Variants in SLC29A4 observed in about 807,000 individuals in gnomAD.
SLC29A4 encodes the protein solute carrier family 29 member 4.
SLC29A4 carries 36 observed loss-of-function variants against 43.9 expected under a neutral mutation model. The ratio of observed to expected loss-of-function variants is 0.82; its 90% CI spans 0.63 to 1.08. SLC29A4 has a LOEUF of 1.08. SLC29A4 is among the 50% of genes least tolerant of loss of function. The probability of loss-of-function intolerance (pLI) is 0.00; values close to 1 mark genes in which losing one functional copy is unlikely to be tolerated. For missense variants in SLC29A4, 869 were observed against 755.3 expected (o/e 1.15, Z -1.77); for synonymous variants, 491 against 338.0 (o/e 1.45, Z -4.97).
chr7:5,292,690 CTTTTTTTTTT>C (rs1056329272), intron 5 of SLC29A4, among the ~76,000 whole-genome samples: 7 of 67,412 alleles, frequency 1.0e-4, no homozygotes, highest in Middle Eastern at 0.014. Flanking sequence ...CATTTTTTTC[CTTTTTTTTTT>C]TTTTTTTTTT....
chr7:5,293,759 C>A (rs1583662389), intron 5 of SLC29A4, among the ~76,000 whole-genome samples: 2 of 152,080 alleles, frequency 1.3e-5, no homozygotes, highest in Non-Finnish European at 2.9e-5. Context: ...AGAGGCCAGG[C>A]CCCCCACATA....
Position 5,303,293 on chromosome 7 carries a change from C to T in SLC29A4, c.*354C>T, listed in dbSNP as rs1377175787. On this transcript the variant is annotated 3_prime_UTR_variant, in exon 11 of 11. Coordinates refer to ENST00000396872, the MANE Select transcript of SLC29A4 (RefSeq NM_153247.4). ...CCCACCCAGGACAGCAGACACCCGC[C>T]AGAGTGTGCGCGCCCAGTGACTGCA... The T allele has an allele frequency of 3.1e-5, 11 of 355,162 alleles. No individual in the cohort carries two copies. The highest frequency in any genetic ancestry group is 5.8e-5 in the Non-Finnish European group (11 of 190,722). The allele number at this position is 355,162 out of a possible 1,614,324, so 22.0% of individuals were successfully genotyped here.
intron 2 of SLC29A4, among the ~76,000 whole-genome samples, chr7:5,289,637 G>A (rs1785177905): frequency 6.6e-6 from 1 of 152,098 alleles, no homozygotes; most frequent in African/African-American, 2.4e-5. Flanking sequence ...ACCAGGGCTA[G>A]GGTTGGAACT....
At chr7:5,297,263 G>A (rs182455357) in intron 7 of SLC29A4, 65 bp downstream of exon 7, 8 of 1,442,724 alleles carry the variant, frequency 5.5e-6, no homozygotes, top group Non-Finnish European at 7.3e-6. Flanking sequence ...CCGCTTCGTC[G>A]GGAAGTACCT....
chr7:5,290,173 C>T (rs1216149355), intron 2 of SLC29A4, among the ~76,000 whole-genome samples: 1 of 152,024 alleles, frequency 6.6e-6, no homozygotes, highest in Non-Finnish European at 1.5e-5. Context: ...CCTGCCTCAG[C>T]CTCCCGAGTA....
At position 5,306,305 on chromosome 7, in the gene SLC29A4, CCACCT is replaced by C. The variant is rs1182813370; in HGVS notation, c.*3369_*3373del. 1 of 150,534 alleles carries C rather than the reference CCACCT, an allele frequency of 6.6e-6. No individual in the cohort carries two copies. Among genetic ancestry groups the C allele is most frequent in the Non-Finnish European group, 1.5e-5 (1 of 67,788 alleles). The allele number at this position is 150,534 out of a possible 1,614,324, so 9.3% of individuals were successfully genotyped here. A position where few individuals can be genotyped will look rare whatever the true frequency, so the allele number is the denominator to read the frequency against. On this transcript the variant is annotated 3_prime_UTR_variant, in exon 11 of 11. Transcript: ENST00000396872. ...CACCCGCCGGGTCCCTGTGATTTTC[CCACCT>C]CAGCCTCCCGAGTAGCTGGGATTAC...
intron 5 of SLC29A4, among the ~76,000 whole-genome samples, chr7:5,293,243 C>G (rs1312784844): frequency 6.7e-6 from 1 of 148,290 alleles, no homozygotes; most frequent in Admixed American, 6.8e-5. Flanking sequence ...ACGATCTCAG[C>G]TCACTGCAAC....
chr7:5,295,866 C>T (rs564888427), intron 6 of SLC29A4, among the ~76,000 whole-genome samples: 8 of 152,246 alleles, frequency 5.3e-5, no homozygotes, highest in African/African-American at 1.9e-4. Flanking sequence ...ACACTGATGT[C>T]GCGTGGTTTA....
chr7:5,293,633 A>G (rs1785455843), intron 5 of SLC29A4, among the ~76,000 whole-genome samples: 1 of 152,088 alleles, frequency 6.6e-6, no homozygotes, highest in South Asian at 2.1e-4. Flanking sequence ...AAAAACAAAA[A>G]AAATGCTGTG....
chr7:5,287,417 G>GGA (rs1489948874), intron 1 of SLC29A4, among the ~76,000 whole-genome samples: 1 of 121,492 alleles, frequency 8.2e-6, no homozygotes, highest in African/African-American at 3.0e-5. Context: ...GACCCTGTCT[G>GGA]AAAAAAAAAA....
chr7:5,296,881 G>A (rs1785713058), intron 6 of SLC29A4, 55 bp from the exon 7 acceptor site: 17 of 1,423,610 alleles, frequency 1.2e-5, no homozygotes, highest in Non-Finnish European at 1.6e-5. Flanking sequence ...GGCGGGACGG[G>A]GCGGTGCAGG....
intron 10 of SLC29A4, among the ~76,000 whole-genome samples, chr7:5,302,202 C>T (rs550460709): frequency 4.9e-4 from 75 of 152,246 alleles, no homozygotes; most frequent in Non-Finnish European, 1.2e-4. Context: ...CTGCCTGCCT[C>T]AGCCTCCCAA....
chr7:5,285,395 T>C (rs1258674286), intron 1 of SLC29A4, among the ~76,000 whole-genome samples: 2 of 151,726 alleles, frequency 1.3e-5, no homozygotes, highest in African/African-American at 4.8e-5. Flanking sequence ...CGGGACCGCC[T>C]CTCCCCTGGT....
intron 10 of SLC29A4, 147 bp downstream of exon 10, chr7:5,300,809 G>C: frequency 8.9e-7 from 1 of 1,119,926 alleles, no homozygotes; most frequent in Non-Finnish European, 1.2e-6. Context: ...TAGGTGTGGG[G>C]ACATTCTCAG....
At chr7:5,285,193 G>A (rs9918719) in intron 1 of SLC29A4, among the ~76,000 whole-genome samples, 38,335 of 151,894 alleles carry the variant, frequency 0.25, 5,271 homozygotes, top group Non-Finnish European at 0.3. Context: ...ACAGGTGTGC[G>A]GAGCCCGCCC....
intron 2 of SLC29A4, among the ~76,000 whole-genome samples, chr7:5,289,786 C>A (rs1051589200): frequency 6.6e-6 from 1 of 152,106 alleles, no homozygotes; most frequent in Non-Finnish European, 1.5e-5. Context: ...ATACCGCCAC[C>A]GAGCATGATA....
rs1562464654 is a variant in SLC29A4 at position 5,306,892 on chromosome 7, ATAATTCCCC to A, written c.*3954_*3962del. ...AAAAGAAACATAAAAAAAAAAACCA[ATAATTCCCC>A]CAAAAAACAAACCCAAAGTCTGGCT... On this transcript the variant is annotated 3_prime_UTR_variant, in exon 11 of 11. Transcript: ENST00000396872. 3 of 148,728 alleles carry A rather than the reference ATAATTCCCC, an allele frequency of 2.0e-5. No homozygotes were observed. Among genetic ancestry groups the A allele is most frequent in the African/African-American group, 7.8e-5 (3 of 38,618 alleles). 9.2% of individuals were successfully genotyped at this position (148,728 alleles called of 1,614,324 possible).
At chr7:5,302,240 C>T (rs1411639869) in intron 10 of SLC29A4, among the ~76,000 whole-genome samples, 1 of 152,170 alleles carries the variant, frequency 6.6e-6, no homozygotes, top group East Asian at 1.9e-4. Flanking sequence ...TGTCAGCCAC[C>T]ATACCTGGCT....
At position 5,287,831 on chromosome 7, in the gene SLC29A4, G is replaced by C. The variant is rs749562136; in HGVS notation, c.15G>C (p.Gly5=). The C allele has an allele frequency of 6.2e-7, 1 of 1,611,448 alleles. No homozygotes were observed. The highest frequency in any genetic ancestry group is 8.5e-7 in the Non-Finnish European group (1 of 1,179,736). ...CAGAGGCTGCCATGGGCTCCGTGGG[G>C]AGCCAGCGCCTTGAGGAGCCCAGCG... MGSV[G]SQRLEEPSVA... Residue 5 remains glycine (G), a synonymous_variant, in exon 2 of 11, where the codon GGG becomes GGC. Transcript: ENST00000396872.
Sources: gnomAD v4.1 joint callset for allele counts (sites outside exome capture counted in the v4.1 genomes callset) on GRCh38, gnomAD v4.1.1 for gene constraint, MANE v1.5 for transcripts, NCBI Gene and HGNC (gene_info 2026-07-23, HGNC 2026-07-21) for gene names.